MICAL2: variants seen among roughly 807,000 people sequenced by gnomAD.
MICAL2 encodes the protein [F-actin]-monooxygenase MICAL2.
A neutral mutation model predicts 127.3 loss-of-function variants in MICAL2; 77 were observed. The ratio of observed to expected loss-of-function variants is 0.60; its 90% confidence interval spans 0.50 to 0.73. MICAL2 has a LOEUF of 0.73. MICAL2 is among the 30% of genes least tolerant of loss of function. The pLI, the probability that MICAL2 is intolerant of heterozygous loss-of-function variation, is 0.00. For missense variants in MICAL2, 1,351 were observed against 1,434.4 expected (o/e 0.94, Z 0.94); for synonymous variants, 570 against 551.1 (o/e 1.03, Z -0.48).
intron 32 of MICAL2, among the ~76,000 whole-genome samples, chr11:12,347,090 T>A (rs897788784): frequency 1.3e-5 from 2 of 151,902 alleles, no homozygotes; most frequent in African/African-American, 4.8e-5. Context: ...CCAATCTCTG[T>A]CTCCACCGTC....
intron 2 of MICAL2, among the ~76,000 whole-genome samples, chr11:12,154,537 A>G (rs994180258): frequency 2.0e-5 from 3 of 152,206 alleles, no homozygotes; most frequent in Non-Finnish European, 4.4e-5. Flanking sequence ...GCGATCCTAC[A>G]CACATATCAC....
At chr11:12,353,300 A>T (rs778695633) in intron 33 of MICAL2, among the ~76,000 whole-genome samples, 2 of 152,114 alleles carry the variant, frequency 1.3e-5, no homozygotes, top group Non-Finnish European at 2.9e-5. Flanking sequence ...GTTGCAGTGA[A>T]CACCTTTGAC....
intron 32 of MICAL2, among the ~76,000 whole-genome samples, chr11:12,335,526 C>T (rs1938737656): frequency 6.6e-6 from 1 of 151,974 alleles, no homozygotes; most frequent in African/African-American, 2.4e-5. Context: ...GAAGTCATTG[C>T]CCATGCCTAT....
intron 15 of MICAL2, among the ~76,000 whole-genome samples, chr11:12,229,973 CT>C (rs1352474381): frequency 6.6e-6 from 1 of 152,210 alleles, no homozygotes; most frequent in Non-Finnish European, 1.5e-5. Flanking sequence ...AGTTAAGTGC[CT>C]GGCATGGGCA....
downstream of MICAL2, among the ~76,000 whole-genome samples, chr11:12,264,122 C>A (rs576142241): frequency 1.3e-5 from 2 of 152,168 alleles, no homozygotes; most frequent in African/African-American, 4.8e-5. Context: ...CCGTTTCCCC[C>A]GCACACCCAA....
exon 35 of MICAL2, chr11:12,358,440 C>T (rs1327308041): frequency 1.2e-6 from 2 of 1,614,048 alleles, no homozygotes; most frequent in Non-Finnish European, 1.7e-6. Context: ...ACTTTGAAAG[C>T]TTCGTATTCT....
At position 12,260,121 on chromosome 11, in the gene MICAL2, C is replaced by T. The variant is rs190882053; in HGVS notation, c.3334+224C>T. 538 of 1,535,172 alleles carry T rather than the reference C, an allele frequency of 3.5e-4. 1 individual carries two copies. The African/African-American group carries it at 6.3e-3, about 18-fold the overall frequency. The stretch of plus-strand genomic sequence containing the variant: ...TGTACAGGGAATCTGAGGGCTCCCT[C>T]GAGAGCATCTGCAACTGGGTGCTCA... On this transcript the variant is annotated intron_variant, in intron 26 of 27. Transcript: ENST00000683283.
chr11:12,135,569 G>A (rs990974024), intron 1 of MICAL2, among the ~76,000 whole-genome samples: 2 of 152,288 alleles, frequency 1.3e-5, no homozygotes, highest in Admixed American at 1.3e-4. Context: ...TATGAAGTGG[G>A]TGCTAACATC....
intron 29 of MICAL2, among the ~76,000 whole-genome samples, chr11:12,302,403 CCA>C (rs1215933544): frequency 3.3e-5 from 5 of 152,176 alleles, no homozygotes. Context: ...TCCCCTTGCT[CCA>C]CATCCTTGCC....
At chr11:12,216,530 C>A (rs945841697) in intron 8 of MICAL2, 3 of 579,416 alleles carry the variant, frequency 5.2e-6, no homozygotes, top group East Asian at 5.7e-5. Flanking sequence ...TGCAGAGGGA[C>A]GTGTGCTGCT....
rs1186364601 is a variant in MICAL2, at chr11:12,247,979, C to G, written c.2785-1205C>G. Among the ~76,000 whole-genome samples the G allele has an allele frequency of 2.0e-5, 3 of 152,186 alleles. No individual in the cohort carries two copies. In the East Asian group the frequency reaches 5.8e-4, roughly 29 times the overall value. On this transcript the variant is annotated intron_variant, in intron 21 of 27. Coordinates refer to ENST00000683283, the MANE Select transcript of MICAL2 (RefSeq NM_001282663.2). ...TAGTCCTTGACAACTTCCTGGCAGG[C>G]AGCATGTCTCTGTTCCTGCCCTATG... is the stretch of plus-strand genomic sequence containing the variant.
chr11:12,141,033 A>G (rs1206178547), intron 2 of MICAL2, among the ~76,000 whole-genome samples: 1 of 152,212 alleles, frequency 6.6e-6, no homozygotes, highest in Non-Finnish European at 1.5e-5. Flanking sequence ...CAAGAAAACC[A>G]TGTCAAGATG....
intron 31 of MICAL2, among the ~76,000 whole-genome samples, chr11:12,325,294 G>A (rs1222407105): frequency 6.6e-6 from 1 of 152,072 alleles, no homozygotes. Flanking sequence ...ATTTTTAGTA[G>A]AGACGGGTTT....
chr11:12,225,083 C>A lies in MICAL2; in HGVS notation c.1688+263C>A, dbSNP rs187477247. 3.7e-3 allele frequency among the ~76,000 whole-genome samples: 535 copies of A among 144,240 alleles called. 4 individuals are homozygous for A. Among genetic ancestry groups the A allele is most frequent in the Non-Finnish European group, 5.6e-3 (379 of 67,696 alleles). The allele number at this position is 144,240 out of a possible 152,430, so 94.6% of individuals were successfully genotyped here. A position where few individuals can be genotyped will look rare whatever the true frequency, so the allele number is the denominator to read the frequency against. On this transcript the variant is annotated intron_variant, in intron 13 of 27. Transcript: ENST00000683283. ...CTCACCCCCCACTACCCTTCCCCCC[C>A]GAGCCCCATCACCACACTCTTTGGA...
Position 12,304,637 on chromosome 11 carries a change from A to AACACAC in MICAL2, c.5212+9832_5212+9837dup, listed in dbSNP as rs57280679. Among the ~76,000 whole-genome samples the AACACAC allele has an allele frequency of 7.2e-4, 93 of 128,808 alleles. 1 individual carries two copies. The highest frequency in any genetic ancestry group is 1.6e-3 in the African/African-American group (49 of 31,588). 84.5% of individuals were successfully genotyped at this position (128,808 alleles called of 152,430 possible). On this transcript the variant is annotated intron_variant, in intron 29 of 34. Transcript: ENST00000646065. ...GCAACAAGAGCGAAACTCTGTCTCA[A>AACACAC]ACACACACACACACACACACACACA...
chr11:12,298,979 A>C (rs1864016410), intron 29 of MICAL2, among the ~76,000 whole-genome samples: 1 of 152,176 alleles, frequency 6.6e-6, no homozygotes, highest in Non-Finnish European at 1.5e-5. Flanking sequence ...CATTGATATC[A>C]CTTTTATATG....
At chr11:12,354,100 C>G (rs1051759814) in intron 33 of MICAL2, among the ~76,000 whole-genome samples, 7 of 152,216 alleles carry the variant, frequency 4.6e-5, no homozygotes, top group Non-Finnish European at 1.0e-4. Context: ...CAGCTGCTCC[C>G]CCTGGTCTCT....
chr11:12,207,195 C>A (rs1854808177), intron 4 of MICAL2, among the ~76,000 whole-genome samples: 1 of 152,150 alleles, frequency 6.6e-6, no homozygotes, highest in Admixed American at 6.5e-5. Context: ...AGGCCCTGTT[C>A]TACCACCATC....
At chr11:12,348,454 GATTTT>G (rs1426881030) in intron 32 of MICAL2, among the ~76,000 whole-genome samples, 2 of 152,170 alleles carry the variant, frequency 1.3e-5, no homozygotes, top group South Asian at 2.1e-4. Flanking sequence ...AGCACTCATG[GATTTT>G]GATATCCAAG....
Sources: allele counts gnomAD v4.1 joint callset (sites outside exome capture counted in the v4.1 genomes callset), GRCh38; gene constraint gnomAD v4.1.1; transcripts MANE v1.5; gene names NCBI Gene and HGNC (gene_info 2026-07-23, HGNC 2026-07-21).